The following STK24 variants were observed in gnomAD, a reference collection of about 807,000 sequenced individuals.
STK24 encodes serine/threonine kinase 24.
Under a neutral mutation model 55.6 loss-of-function variants are expected in STK24, and 21 were observed. The observed-to-expected ratio is 0.38, with a 90% CI of 0.27 to 0.54. STK24 has a LOEUF of 0.54. Among genes scored for constraint, STK24 ranks in the 20% least tolerant of loss-of-function variants. STK24 has a pLI of 0.79. For missense variants in STK24, 383 were observed against 538.4 expected (o/e 0.71, Z 2.86); for synonymous variants, 200 against 215.2 (o/e 0.93, Z 0.62).
rs562465715 is a variant in STK24, at chr13:98,564,008, C to T, written c.42+12737G>A. Among the ~76,000 whole-genome samples the T allele has an allele frequency of 9.7e-4, 148 of 152,230 alleles. 2 individuals carry two copies. In the South Asian group the frequency reaches 0.015, roughly 16 times the overall value. ...TGGTAAAATCAAAGTGTAACTAAAT[C>T]CAGTACACCCTAATAACAGACGACA... On this transcript the variant is annotated intron_variant, in intron 1 of 10. Transcript: ENST00000539966.
rs1412970810 is a variant in STK24, at chr13:98,446,641, A to ACTTTG, written c.*6527_*6531dup. On this transcript the variant is annotated 3_prime_UTR_variant, in exon 11 of 11. Coordinates refer to ENST00000539966, the MANE Select transcript of STK24 (RefSeq NM_001032296.4). ...CAGCAGAAGCTGACCCCGAAAAGCC[A>ACTTTG]CTTTGCTTTGTTTCCCCTTTCCAGG... The ACTTTG allele has an allele frequency of 1.2e-6, 2 of 1,612,250 alleles. No homozygotes were observed. Among genetic ancestry groups the ACTTTG allele is most frequent in the African/African-American group, 2.7e-5 (2 of 74,846 alleles).
chr13:98,446,144 G>T lies in STK24; in HGVS notation c.*7029C>A, dbSNP rs772553611. On this transcript the variant is annotated 3_prime_UTR_variant, in exon 11 of 11. Transcript: ENST00000539966. ...CTGAGGAAATTCAAAAACAGCAACG[G>T]GTGGCAGAAGCTGTGGGTGGTGTTC... The T allele has an allele frequency of 1.2e-5, 19 of 1,614,100 alleles. 1 individual carries two copies. The South Asian group carries it at 2.1e-4, about 18-fold the overall frequency.
At position 98,463,789 on chromosome 13, in the gene STK24, A is replaced by G. The variant is rs1222216482; in HGVS notation, c.831T>C (p.Asn277=). ...ELLKHKFILR[N]AKKTSYLTEL... ...CGGTCAAGTAGGAAGTTTTCTTTGC[A>G]TTGCGTAGTATAAACTTGTGCTTCA... Residue 277 remains asparagine, a synonymous_variant, in exon 7 of 11, where the codon AAT becomes AAC. Coordinates refer to ENST00000539966, the MANE Select transcript of STK24 (RefSeq NM_001032296.4). 5 of 1,614,138 alleles carry G rather than the reference A, an allele frequency of 3.1e-6. No individual in the cohort carries two copies. The South Asian group carries it at 5.5e-5, about 18-fold the overall frequency.
intron 2 of STK24, among the ~76,000 whole-genome samples, chr13:98,510,167 C>G (rs1895834856): frequency 6.6e-6 from 1 of 152,212 alleles, no homozygotes; most frequent in Admixed American, 6.5e-5. Flanking sequence ...CTCCCAGCAC[C>G]AGAATGATGG....
At chr13:98,506,465 A>C (rs77732677) in intron 2 of STK24, among the ~76,000 whole-genome samples, 2,380 of 152,314 alleles carry the variant, frequency 0.016, 72 homozygotes, top group African/African-American at 0.055. Context: ...GCAGGACCAC[A>C]AAACCAAAAC....
At chr13:98,498,875 G>A (rs1247703952) in intron 2 of STK24, among the ~76,000 whole-genome samples, 1 of 152,136 alleles carries the variant, frequency 6.6e-6, no homozygotes, top group African/African-American at 2.4e-5. Context: ...CGCCACTGGG[G>A]AAAAATGTTC....
At chr13:98,464,109 G>A (rs1454493232) in intron 6 of STK24, among the ~76,000 whole-genome samples, 1 of 152,128 alleles carries the variant, frequency 6.6e-6, no homozygotes, top group Admixed American at 6.5e-5. Context: ...GCTTCACAGG[G>A]ATCATTTAAG....
At chr13:98,466,846 C>G (rs956747427) in intron 5 of STK24, among the ~76,000 whole-genome samples, 34 of 151,840 alleles carry the variant, frequency 2.2e-4, no homozygotes, top group South Asian at 2.1e-4. Context: ...GTCCCGGGGG[C>G]CAGCAGGACC....
rs538669683 is a variant in STK24 at position 98,525,997 on chromosome 13, G to A, written c.43-6524C>T. On this transcript the variant is annotated intron_variant, in intron 1 of 10. Coordinates refer to ENST00000539966, the MANE Select transcript of STK24 (RefSeq NM_001032296.4). Reference sequence around the variant, plus strand: ...GGGTTAAGAGCCACCACGCCCGCCCGACCTGAAGGACAGGCTTTGGTTGGG... The same window carrying A: ...GGGTTAAGAGCCACCACGCCCGCCCAACCTGAAGGACAGGCTTTGGTTGGG... Among the ~76,000 whole-genome samples, 83 of 152,304 alleles carry A rather than the reference G, an allele frequency of 5.4e-4. 4 individuals carry two copies. Among genetic ancestry groups the A allele is most frequent in the Admixed American group, 5.2e-3 (80 of 15,298 alleles).
rs1897656361 is a variant in STK24 at position 98,568,776 on chromosome 13, G to A, written c.42+7969C>T. 5.3e-5 allele frequency among the ~76,000 whole-genome samples: 8 copies of A among 152,278 alleles called. No homozygotes were observed. In the South Asian group the frequency reaches 1.7e-3, roughly 32 times the overall value. ...CCAGCTACTCGGGAGGCTGAGGCAG[G>A]AGAATCACTGGAACCTGGGGGGGCA... is the stretch of plus-strand genomic sequence containing the variant. On this transcript the variant is annotated intron_variant, in intron 1 of 10. Transcript: ENST00000539966.
intron 1 of STK24, among the ~76,000 whole-genome samples, chr13:98,561,854 G>A (rs1897428685): frequency 6.6e-6 from 1 of 151,872 alleles, no homozygotes; most frequent in South Asian, 2.1e-4. Flanking sequence ...GCACGTGCCT[G>A]TAATCCCAGC....
chr13:98,527,916 G>A (rs1414227390), intron 1 of STK24, among the ~76,000 whole-genome samples: 1 of 152,218 alleles, frequency 6.6e-6, no homozygotes, highest in Non-Finnish European at 1.5e-5. Flanking sequence ...TCATGCTGGC[G>A]TCTTGCAGCC....
At chr13:98,541,845 G>T (rs1896897406) in intron 1 of STK24, among the ~76,000 whole-genome samples, 1 of 152,220 alleles carries the variant, frequency 6.6e-6, no homozygotes, top group South Asian at 2.1e-4. Flanking sequence ...AAGCCCGGGG[G>T]TTAGCAGGGT....
intron 2 of STK24, among the ~76,000 whole-genome samples, chr13:98,506,816 CGTGA>C (rs1895697667): frequency 6.6e-6 from 1 of 152,160 alleles, no homozygotes; most frequent in Admixed American, 6.6e-5. Flanking sequence ...ATACGGTGGC[CGTGA>C]GTAAGAATTC....
At chr13:98,562,742 C>T (rs1385160949) in intron 1 of STK24, among the ~76,000 whole-genome samples, 3 of 151,708 alleles carry the variant, frequency 2.0e-5, no homozygotes, top group Non-Finnish European at 4.4e-5. Flanking sequence ...GGTGAAACCC[C>T]GTCTCTACTA....
chr13:98,571,377 G>A (rs1174146743), intron 1 of STK24, among the ~76,000 whole-genome samples: 1 of 152,132 alleles, frequency 6.6e-6, no homozygotes, highest in Admixed American at 6.5e-5. Context: ...GATGCCAGCC[G>A]CCACCTGCCC....
rs528794490 is a variant in STK24 at position 98,512,689 on chromosome 13, T to C, written c.273+6554A>G. Among the ~76,000 whole-genome samples the C allele has an allele frequency of 1.3e-3, 203 of 150,788 alleles. 3 individuals are homozygous for C. In the South Asian group the frequency reaches 0.016, roughly 12 times the overall value. The stretch of plus-strand genomic sequence containing the variant: ...AATATAAAGCCAGATAATTCTGACA[T>C]TGGTCATTATCAGTTTGCTACAAAA... On this transcript the variant is annotated intron_variant, in intron 2 of 10. Transcript: ENST00000539966.
chr13:98,488,685 A>C (rs1566364347), intron 2 of STK24, among the ~76,000 whole-genome samples: 1 of 152,178 alleles, frequency 6.6e-6, no homozygotes, highest in Non-Finnish European at 1.5e-5. Flanking sequence ...TTCCAGGCAA[A>C]CTTGCCCCAA....
At position 98,446,602 on chromosome 13, in the gene STK24, G is replaced by A; in HGVS notation, c.*6571C>T. ...CCAAGTCCCTGTCTGATGCGGGGCA[G>A]CAGCCAGGCCCAGCAGCAGAAGCTG... On this transcript the variant is annotated 3_prime_UTR_variant, in exon 11 of 11. Transcript: ENST00000539966. 1 of 1,546,390 alleles carries A rather than the reference G, an allele frequency of 6.5e-7. No individual in the cohort carries two copies. Among genetic ancestry groups the A allele is most frequent in the Non-Finnish European group, 8.9e-7 (1 of 1,124,986 alleles).
Sources: allele counts gnomAD v4.1 joint callset (sites outside exome capture counted in the v4.1 genomes callset), GRCh38; gene constraint gnomAD v4.1.1; transcripts MANE v1.5; gene names NCBI Gene and HGNC (gene_info 2026-07-23, HGNC 2026-07-21).